OR51B5: variants seen among roughly 807,000 people sequenced by gnomAD.
OR51B5 encodes the protein olfactory receptor 51B5.
For missense variants in OR51B5, 456 were observed against 374.6 expected (o/e 1.22, Z -1.79); for synonymous variants, 186 against 144.8 (o/e 1.28, Z -2.04).
chr11:5,422,134 T>C (rs1412392340), intron 1 of OR51B5: 2 of 1,215,308 alleles, frequency 1.6e-6, no homozygotes, highest in African/African-American at 3.0e-5. Flanking sequence ...GGCAAAGAGA[T>C]ATTATTTCTA....
intron 1 of OR51B5, among the ~76,000 whole-genome samples, chr11:5,397,949 G>A (rs958718169): frequency 6.6e-6 from 1 of 151,852 alleles, no homozygotes; most frequent in African/African-American, 2.4e-5. Flanking sequence ...ACTATCACAA[G>A]GACAAAAAGC....
chr11:5,389,736 T>C (rs369876855), intron 1 of OR51B5: 1 of 1,613,874 alleles, frequency 6.2e-7, no homozygotes, highest in African/African-American at 1.3e-5. Flanking sequence ...CAAATCCAGA[T>C]GTTCTGCATC....
Position 5,397,168 on chromosome 11 carries a change from CA to C in OR51B5, n.85-50259del, listed in dbSNP as rs1849887804. ...GGCATGGACTTCATGTCTAAAACAC[CA>C]AAAGCAATGGCAACAAAAGCCAAAA... is the stretch of plus-strand genomic sequence containing the variant. On this transcript the variant is annotated intron_variant and non_coding_transcript_variant, in intron 1 of 4. Transcript: ENST00000415970. Among the ~76,000 whole-genome samples, 8 of 152,214 alleles carry C rather than the reference CA, an allele frequency of 5.3e-5. No homozygotes were observed. The South Asian group carries it at 1.7e-3, about 32-fold the overall frequency.
chr11:5,432,635 T>G (rs1346364090), intron 1 of OR51B5, among the ~76,000 whole-genome samples: 1 of 152,206 alleles, frequency 6.6e-6, no homozygotes, highest in African/African-American at 2.4e-5. Flanking sequence ...AACTGGGGAT[T>G]AAAATACACT....
intron 1 of OR51B5, among the ~76,000 whole-genome samples, chr11:5,476,393 A>G (rs1346070503): frequency 6.6e-6 from 1 of 152,232 alleles, no homozygotes; most frequent in African/African-American, 2.4e-5. Flanking sequence ...CTTAGCTGTT[A>G]TGCTGTATGG....
intron 1 of OR51B5, among the ~76,000 whole-genome samples, chr11:5,353,801 C>G (rs1180316972): frequency 6.6e-6 from 1 of 152,240 alleles, no homozygotes; most frequent in Non-Finnish European, 1.5e-5. Context: ...GGCTGCCCAC[C>G]TACTCTTCAT....
Position 5,490,675 on chromosome 11 carries a change from T to C in OR51B5, n.84+14894A>G, listed in dbSNP as rs12293468. On this transcript the variant is annotated intron_variant and non_coding_transcript_variant, in intron 1 of 4. Coordinates refer to the OR51B5 transcript ENST00000415970. ...AAAGCCTGTCATTCAGGGAGACTAATAGCCTAAGGTTATGGCATTTATTGA... is the reference window on the plus strand; with the variant it reads ...AAAGCCTGTCATTCAGGGAGACTAACAGCCTAAGGTTATGGCATTTATTGA... Among the ~76,000 whole-genome samples the C allele has an allele frequency of 2.6e-3, 401 of 152,328 alleles. 3 individuals are homozygous for C. Among genetic ancestry groups the C allele is most frequent in the African/African-American group, 9.4e-3 (390 of 41,586 alleles).
chr11:5,472,097 CCAAA>C (rs1851237835), intron 1 of OR51B5, among the ~76,000 whole-genome samples: 1 of 152,078 alleles, frequency 6.6e-6, no homozygotes, highest in African/African-American at 2.4e-5. Context: ...GGCATTCACA[CCAAA>C]CAAAGGCTTC....
At chr11:5,466,889 C>G (rs1334300449) in intron 1 of OR51B5, among the ~76,000 whole-genome samples, 3 of 152,222 alleles carry the variant, frequency 2.0e-5, no homozygotes. Flanking sequence ...TTTTGGGAAG[C>G]TGTATTTAGC....
intron 1 of OR51B5, among the ~76,000 whole-genome samples, chr11:5,420,116 TAA>T (rs1378150749): frequency 6.6e-6 from 1 of 151,996 alleles, no homozygotes; most frequent in Admixed American, 6.5e-5. Context: ...TGTTATTACA[TAA>T]AAGTCTATTT....
At chr11:5,378,462 G>T (rs140993957) in intron 1 of OR51B5, among the ~76,000 whole-genome samples, 4,698 of 152,202 alleles carry the variant, frequency 0.031, 241 homozygotes, top group African/African-American at 0.11. Context: ...TTCACTAATG[G>T]GATCTAATGA....
chr11:5,422,433 C>A, intron 1 of OR51B5: 1 of 1,614,178 alleles, frequency 6.2e-7, no homozygotes, highest in Non-Finnish European at 8.5e-7. Flanking sequence ...CTCACCCTCA[C>A]CACCCTACCC....
chr11:5,357,951 A>C (rs1849220449), intron 1 of OR51B5, among the ~76,000 whole-genome samples: 1 of 152,122 alleles, frequency 6.6e-6, no homozygotes, highest in South Asian at 2.1e-4. Flanking sequence ...AAAGAGAACA[A>C]AGACACAACA....
chr11:5,390,448 T>C (rs11828284), intron 1 of OR51B5: 90 of 1,336,512 alleles, frequency 6.7e-5, no homozygotes, highest in South Asian at 8.9e-5. Flanking sequence ...ATTTGGAGTA[T>C]TGAGTATATA....
At chr11:5,418,794 A>G (rs1019404834) in intron 1 of OR51B5, among the ~76,000 whole-genome samples, 2 of 151,582 alleles carry the variant, frequency 1.3e-5, no homozygotes, top group African/African-American at 2.4e-5. Context: ...GGGTTGATAG[A>G]TGCAGCAAAC....
chr11:5,449,925 A>T (rs536024349), intron 1 of OR51B5, among the ~76,000 whole-genome samples: 27 of 152,326 alleles, frequency 1.8e-4, no homozygotes, highest in Non-Finnish European at 3.2e-4. Flanking sequence ...ATACAGATTG[A>T]AAACTGTGGT....
downstream of OR51B5, among the ~76,000 whole-genome samples, chr11:5,342,203 ACT>A (rs1196409297): frequency 6.6e-6 from 1 of 152,048 alleles, no homozygotes; most frequent in Non-Finnish European, 1.5e-5. Context: ...AGTAAACCAA[ACT>A]CTATTCCATT....
At chr11:5,477,239 G>C (rs1339098797) in intron 1 of OR51B5, among the ~76,000 whole-genome samples, 2 of 151,956 alleles carry the variant, frequency 1.3e-5, no homozygotes, top group East Asian at 4.0e-4. Flanking sequence ...GTGATGGTGG[G>C]CCCTTTGCAG....
chr11:5,399,930 A>G (rs1051429825), intron 1 of OR51B5, among the ~76,000 whole-genome samples: 1 of 152,162 alleles, frequency 6.6e-6, no homozygotes, highest in African/African-American at 2.4e-5. Flanking sequence ...TACAGGGTGC[A>G]GTGGGATCAA....
Sources: gnomAD v4.1 joint callset for allele counts (sites outside exome capture counted in the v4.1 genomes callset) on GRCh38, gnomAD v4.1.1 for gene constraint, MANE v1.5 for transcripts, NCBI Gene and HGNC (gene_info 2026-07-23, HGNC 2026-07-21) for gene names.